Variants in SPAG6 observed in about 807,000 individuals in gnomAD.
SPAG6 encodes the protein sperm associated antigen 6.
In SPAG6, 49 loss-of-function variants were observed where a neutral mutation model predicts 58.5. That is an observed-to-expected ratio of 0.84 (90% CI 0.67 to 1.06). The LOEUF is 1.06. Among genes scored for constraint, SPAG6 ranks in the 50% least tolerant of loss-of-function variants. The pLI, the probability that SPAG6 is intolerant of heterozygous loss-of-function variation, is 0.00. For synonymous variants in SPAG6, 233 were observed against 225.6 expected, an observed-to-expected ratio of 1.03 and a Z score of -0.29; for missense variants, 560 against 611.3, an observed-to-expected ratio of 0.92 and a Z score of 0.89.
chr10:22,368,505 A>G lies in SPAG6; in HGVS notation c.299A>G (p.Lys100Arg), dbSNP rs930113292. Reference sequence around the variant, plus strand: ...GTTTGACCCTTGTAGCGCTTCTACAAGAAAGCAGCTGCCTTTGTGTTACGA... The same window carrying G: ...GTTTGACCCTTGTAGCGCTTCTACAGGAAAGCAGCTGCCTTTGTGTTACGA... ...YSLAEQNRFYKKAAAFVLRAV... is the reference protein window; with the variant it reads ...YSLAEQNRFYRKAAAFVLRAV... The change falls in exon 4 of 11, where the codon AAG becomes AGG. Residue 100 changes from lysine (K) to arginine (R), a missense_variant. Lys to Arg is a conservative substitution (Grantham distance 26, BLOSUM62 2). Transcript: ENST00000376624. 7 of 1,613,542 alleles carry G rather than the reference A, an allele frequency of 4.3e-6. No individual in the cohort carries two copies. In the Admixed American group the frequency reaches 5.0e-5, roughly 12 times the overall value.
At position 22,356,508 on chromosome 10, in the gene SPAG6, C is replaced by T. The variant is rs76479154; in HGVS notation, c.122-8345C>T. Among the ~76,000 whole-genome samples, 54 of 152,322 alleles carry T rather than the reference C, an allele frequency of 3.5e-4. 2 individuals carry two copies. In the East Asian group the frequency reaches 9.6e-3, roughly 27 times the overall value. The stretch of plus-strand genomic sequence containing the variant: ...ATAAAATCAGAAAATCTTAGTTTGG[C>T]CTACAGCCAAATTTGATCTGACCCC... On this transcript the variant is annotated intron_variant, in intron 2 of 10. Transcript: ENST00000376624.
In SPAG6 at chr10:22,345,513, C is replaced by A. The variant is rs1020099374; in HGVS notation, c.-99C>A. On this transcript the variant is annotated 5_prime_UTR_variant, in exon 1 of 11. Coordinates refer to ENST00000376624, the MANE Select transcript of SPAG6 (RefSeq NM_012443.4). This position sits in a 1 kb window ranked among gnomAD's most constrained non-coding sequence, Gnocchi z 6.3. The stretch of plus-strand genomic sequence containing the variant: ...GGGTACACAGAGAAGCGGCTCCCGT[C>A]GGAGGCCGAGTCGTCGCCACGATCG... 20 of 1,030,452 alleles carry A rather than the reference C, an allele frequency of 1.9e-5. No homozygotes were observed. Among genetic ancestry groups the A allele is most frequent in the Non-Finnish European group, 2.4e-5 (17 of 722,644 alleles). 63.8% of individuals were successfully genotyped at this position (1,030,452 alleles called of 1,614,324 possible).
In SPAG6 at chr10:22,346,430, GTTCTTCTTCTTCTTCTTC is replaced by G. The variant is rs71393995; in HGVS notation, c.121+663_121+680del. Reference sequence around the variant, plus strand: ...TAACATAAACTGATAAGAGAAAATGGTTCTTCTTCTTCTTCTTCTTCTTCTTCTTCTTCTTCTTCTTCT... The same window carrying G: ...TAACATAAACTGATAAGAGAAAATGGTTCTTCTTCTTCTTCTTCTTCTTCT... On this transcript the variant is annotated intron_variant, in intron 2 of 10. Coordinates refer to ENST00000376624, the MANE Select transcript of SPAG6 (RefSeq NM_012443.4). 5.7e-4 allele frequency among the ~76,000 whole-genome samples: 55 copies of G among 96,000 alleles called. 1 individual carries two copies. Among genetic ancestry groups the G allele is most frequent in the East Asian group, 2.3e-3 (7 of 3,100 alleles). 63.0% of individuals were successfully genotyped at this position (96,000 alleles called of 152,430 possible). A position where few individuals can be genotyped will look rare whatever the true frequency, so the allele number is the denominator to read the frequency against.
intron 3 of SPAG6, 25 bp downstream of exon 3, chr10:22,365,044 T>A: frequency 6.5e-7 from 1 of 1,532,348 alleles, no homozygotes; most frequent in Non-Finnish European, 8.8e-7. Context: ...AAACTAGTTA[T>A]ATGTTTTTTT....
At chr10:22,373,591 G>C (rs926858733) in intron 4 of SPAG6, among the ~76,000 whole-genome samples, 2 of 152,154 alleles carry the variant, frequency 1.3e-5, no homozygotes, top group Admixed American at 6.5e-5. Context: ...TTTTCTTAGA[G>C]GGGGAATGGA....
intron 7 of SPAG6, 21 bp downstream of exon 7, chr10:22,389,333 C>A (rs1834135243): frequency 6.2e-7 from 1 of 1,604,136 alleles, no homozygotes; most frequent in Admixed American, 1.7e-5. Flanking sequence ...GCTTCGTTTT[C>A]TTCCAGTTGC....
intron 2 of SPAG6, among the ~76,000 whole-genome samples, chr10:22,348,764 T>C (rs1318865621): frequency 3.9e-5 from 6 of 152,238 alleles, no homozygotes. Flanking sequence ...CCAAAGTAAT[T>C]GCCAAAGCAG....
At chr10:22,381,950 T>C (rs1213996581) in intron 4 of SPAG6, among the ~76,000 whole-genome samples, 1 of 152,226 alleles carries the variant, frequency 6.6e-6, no homozygotes. Flanking sequence ...TTCTCATGCC[T>C]GTTACTGACA....
chr10:22,352,209 A>ATG (rs370765050), intron 2 of SPAG6, among the ~76,000 whole-genome samples: 2,117 of 149,792 alleles, frequency 0.014, 44 homozygotes, highest in African/African-American at 0.046. Context: ...GTGTGCGTGT[A>ATG]TGTGTGTGTG....
At chr10:22,365,133 A>G (rs112331812) in intron 3 of SPAG6, 114 bp downstream of exon 3, 2 of 644,046 alleles carry the variant, frequency 3.1e-6, no homozygotes, top group East Asian at 2.8e-5. Flanking sequence ...GGTTAACACA[A>G]TCTTCAATTA....
In SPAG6 at chr10:22,387,101, C is replaced by T. The variant is rs1046056860; in HGVS notation, c.678+142C>T. 3.5e-5 allele frequency: 23 copies of T among 664,748 alleles called. No individual in the cohort carries two copies. The South Asian group carries it at 4.1e-4, about 12-fold the overall frequency. 41.2% of individuals were successfully genotyped at this position (664,748 alleles called of 1,614,324 possible). ...GATATGAATATATTATGTATTTGGT[C>T]TCTTAATATGTGAAAATAATACTGT... On this transcript the variant is annotated intron_variant, in intron 5 of 10. Transcript: ENST00000376624.
At chr10:22,365,170 A>G in intron 3 of SPAG6, 151 bp downstream of exon 3, 1 of 570,942 alleles carries the variant, frequency 1.8e-6, no homozygotes, top group Non-Finnish European at 3.0e-6. Flanking sequence ...TCATATTTTC[A>G]GGGTATTTTG....
intron 9 of SPAG6, among the ~76,000 whole-genome samples, chr10:22,406,349 G>T (rs9732956): frequency 2.0e-5 from 3 of 151,928 alleles, no homozygotes; most frequent in Non-Finnish European, 1.5e-5. Context: ...CTTTGTTCTC[G>T]TTGGTTTCAA....
intron 9 of SPAG6, among the ~76,000 whole-genome samples, chr10:22,405,957 T>G (rs1464955450): frequency 1.3e-5 from 2 of 152,214 alleles, no homozygotes; most frequent in Non-Finnish European, 1.5e-5. Flanking sequence ...GATGGTAGTT[T>G]GTATTTCTGT....
intron 3 of SPAG6, among the ~76,000 whole-genome samples, chr10:22,365,803 A>G (rs1837182781): frequency 6.6e-6 from 1 of 152,240 alleles, no homozygotes; most frequent in African/African-American, 2.4e-5. Context: ...GCCAAGAAGC[A>G]TGTGAAAAGA....
chr10:22,410,696 G>C (rs1429862809), intron 9 of SPAG6, among the ~76,000 whole-genome samples: 1 of 152,186 alleles, frequency 6.6e-6, no homozygotes, highest in Admixed American at 6.5e-5. Context: ...CTGGGTCCCA[G>C]AGGACCCTTT....
At chr10:22,372,401 G>A (rs992351995) in intron 4 of SPAG6, among the ~76,000 whole-genome samples, 1 of 152,216 alleles carries the variant, frequency 6.6e-6, no homozygotes, top group Non-Finnish European at 1.5e-5. Context: ...GAGAGCCTGT[G>A]CCAGCTGGAA....
chr10:22,393,879 A>G (rs1273330509), intron 8 of SPAG6, among the ~76,000 whole-genome samples: 3 of 152,196 alleles, frequency 2.0e-5, no homozygotes, highest in Non-Finnish European at 4.4e-5. Context: ...AGAACTGTCT[A>G]ATGGTATTTC....
intron 9 of SPAG6, among the ~76,000 whole-genome samples, chr10:22,401,627 G>A (rs140134582): frequency 2.6e-3 from 400 of 152,158 alleles, no homozygotes; most frequent in African/African-American, 9.2e-3. Context: ...AAAGAGAAAA[G>A]GAAAAAGGTT....
Sources: gnomAD v4.1 joint callset for allele counts (sites outside exome capture counted in the v4.1 genomes callset) on GRCh38, gnomAD v4.1.1 for gene constraint, Gnocchi (gnomAD v3.1) non-coding constraint, MANE v1.5 for transcripts, NCBI Gene and HGNC (gene_info 2026-07-23, HGNC 2026-07-21) for gene names.